The following UBE2U variants were observed in gnomAD, a reference collection of about 807,000 sequenced individuals.
UBE2U encodes ubiquitin-conjugating enzyme E2 U.
Under a neutral mutation model 41.2 loss-of-function variants are expected in UBE2U, and 39 were observed. That is an observed-to-expected ratio of 0.95 (90% CI 0.73 to 1.24). UBE2U has a LOEUF of 1.24. UBE2U is among the 50% of genes most tolerant of loss of function. The probability of loss-of-function intolerance (pLI) is 0.00; values close to 1 mark genes in which losing one functional copy is unlikely to be tolerated. For synonymous variants in UBE2U, 107 were observed against 117.8 expected (o/e 0.91, Z 0.60); for missense variants, 336 against 363.1 (o/e 0.93, Z 0.61).
At chr1:64,260,765 C>G in intron 9 of UBE2U, 71 bp downstream of exon 9, 1 of 1,230,276 alleles carries the variant, frequency 8.1e-7, no homozygotes, top group Non-Finnish European at 1.1e-6. Context: ...TAACTTTAAA[C>G]TTTTTTCCAT....
chr1:64,233,257 T>A (rs1305859077), intron 7 of UBE2U, among the ~76,000 whole-genome samples: 4 of 152,146 alleles, frequency 2.6e-5, no homozygotes, highest in Non-Finnish European at 5.9e-5. Context: ...TCCGCCTGCC[T>A]CAGCCTCCCA....
At position 64,239,157 on chromosome 1, in the gene UBE2U, A is replaced by AAGGAAGAAGAAG; in HGVS notation, c.596-2494_596-2493insGGAAGAAGAAGA. 2.4e-4 allele frequency among the ~76,000 whole-genome samples: 9 copies of AAGGAAGAAGAAG among 37,064 alleles called. 1 individual carries two copies. Among genetic ancestry groups the AAGGAAGAAGAAG allele is most frequent in the South Asian group, 2.7e-3 (2 of 728 alleles). 24.3% of individuals were successfully genotyped at this position (37,064 alleles called of 152,430 possible). A position where few individuals can be genotyped will look rare whatever the true frequency, so the allele number is the denominator to read the frequency against. ...GAAGAAGAAGAAGAAGAAGAAGAAG[A>AAGGAAGAAGAAG]AAGAAGAAGAAGAAGAAGAAGAAGA... On this transcript the variant is annotated intron_variant, in intron 7 of 9. Transcript: ENST00000371077.
At chr1:64,253,715 A>G (rs1645047488) in intron 8 of UBE2U, among the ~76,000 whole-genome samples, 1 of 152,196 alleles carries the variant, frequency 6.6e-6, no homozygotes, top group Non-Finnish European at 1.5e-5. Context: ...GCAAATGCTG[A>G]GGGAATTCAT....
Position 64,210,760 on chromosome 1 carries a change from A to T in UBE2U, c.260A>T (p.Gln87Leu). 1 of 1,587,810 alleles carries T rather than the reference A, an allele frequency of 6.3e-7. No individual in the cohort carries two copies. The highest frequency in any genetic ancestry group is 8.6e-7 in the Non-Finnish European group (1 of 1,165,614). Reference protein sequence around the residue: ...FHPNVDPHTGQPCIDFLDNPE... With the variant: ...FHPNVDPHTGLPCIDFLDNPE... ...AATACAGTAGACCCACACACTGGTC[A>T]GCCCTGTATAGACTTTTTGGACAAC... The change falls in exon 4 of 10, where the codon CAG becomes CTG. Residue 87 changes from glutamine to leucine, a missense_variant. Transcript: ENST00000371077.
At chr1:64,236,038 G>A (rs1287521831) in intron 7 of UBE2U, among the ~76,000 whole-genome samples, 2 of 152,142 alleles carry the variant, frequency 1.3e-5, no homozygotes, top group Non-Finnish European at 2.9e-5. Flanking sequence ...ACATCCTGGA[G>A]TCAGATTTAC....
chr1:64,218,754 T>C (rs1652204843), intron 5 of UBE2U, among the ~76,000 whole-genome samples: 1 of 152,242 alleles, frequency 6.6e-6, no homozygotes, highest in Non-Finnish European at 1.5e-5. Context: ...TTATAAATAC[T>C]TGCCACAGAT....
At chr1:64,244,424 G>A (rs968716187) in intron 8 of UBE2U, 12 of 297,176 alleles carry the variant, frequency 4.0e-5, no homozygotes, top group African/African-American at 2.0e-4. Flanking sequence ...TTTAGTTCCT[G>A]GGGAGAGGAG....
At chr1:64,221,360 G>A (rs990596975) in intron 6 of UBE2U, among the ~76,000 whole-genome samples, 10 of 152,118 alleles carry the variant, frequency 6.6e-5, no homozygotes, top group Admixed American at 2.0e-4. Flanking sequence ...TGATCCACCC[G>A]CCTCGGCCTC....
At chr1:64,232,797 T>G (rs1303532976) in intron 7 of UBE2U, 148 bp downstream of exon 7, 1 of 466,380 alleles carries the variant, frequency 2.1e-6, no homozygotes, top group Admixed American at 4.1e-5. Flanking sequence ...ATTCAACAAC[T>G]ATTACTTTAG....
At chr1:64,244,268 T>C in intron 8 of UBE2U, 2 of 1,287,530 alleles carry the variant, frequency 1.6e-6, no homozygotes, top group Non-Finnish European at 2.0e-6. Flanking sequence ...TCTTGCAAAG[T>C]TGTTTTGCAT....
intron 8 of UBE2U, among the ~76,000 whole-genome samples, chr1:64,248,996 T>C (rs1456578271): frequency 6.6e-6 from 1 of 152,122 alleles, no homozygotes; most frequent in African/African-American, 2.4e-5. Flanking sequence ...TGAGCCAGAA[T>C]GAAGAACAAT....
chr1:64,252,236 G>T lies in UBE2U; in HGVS notation c.678-8367G>T, dbSNP rs187676493. On this transcript the variant is annotated intron_variant, in intron 8 of 9. Transcript: ENST00000371077. ...CACTCTAGCCAGGCTTATATGGACA[G>T]AACTCTGATCTCACCCTGGGATGGA... is the stretch of plus-strand genomic sequence containing the variant. Among the ~76,000 whole-genome samples, 325 of 152,280 alleles carry T rather than the reference G, an allele frequency of 2.1e-3. 3 individuals carry two copies. Among genetic ancestry groups the T allele is most frequent in the African/African-American group, 7.5e-3 (312 of 41,572 alleles).
chr1:64,241,477 C>T (rs1644833466), intron 7 of UBE2U, among the ~76,000 whole-genome samples, 175 bp from the exon 8 acceptor site: 1 of 151,950 alleles, frequency 6.6e-6, no homozygotes, highest in Admixed American at 6.6e-5. Context: ...TATGATGTTC[C>T]AATAAAAGCA....
rs185916377 is a variant in UBE2U at position 64,219,956 on chromosome 1, T to C, written c.458-903T>C. 2.6e-5 allele frequency among the ~76,000 whole-genome samples: 4 copies of C among 152,346 alleles called. No individual in the cohort carries two copies. The East Asian group carries it at 7.7e-4, about 29-fold the overall frequency. ...ATTATCCATCTCTTTGTTCGTTGTA[T>C]ATTCTGGAAGATTTTGAGAAAAATG... On this transcript the variant is annotated intron_variant, in intron 5 of 9. Transcript: ENST00000371077.
intron 5 of UBE2U, among the ~76,000 whole-genome samples, chr1:64,218,772 A>G (rs182569087): frequency 5.8e-4 from 88 of 152,360 alleles, no homozygotes; most frequent in Non-Finnish European, 1.2e-3. Flanking sequence ...GATAAACCAT[A>G]AATGATTATC....
chr1:64,245,558 A>G (rs1211907396), intron 8 of UBE2U, among the ~76,000 whole-genome samples: 1 of 152,184 alleles, frequency 6.6e-6, no homozygotes, highest in Non-Finnish European at 1.5e-5. Flanking sequence ...CCGAGTAGGT[A>G]TAGAGGGAAC....
chr1:64,242,144 C>T (rs530935152), intron 8 of UBE2U, among the ~76,000 whole-genome samples: 3 of 152,054 alleles, frequency 2.0e-5, no homozygotes, highest in South Asian at 2.1e-4. Context: ...GTTTCTTCTC[C>T]CACAGATTTC....
At chr1:64,239,124 A>AAGGAGAAGGAGAAGGAGAAGGAGAAGG (rs1557730141) in intron 7 of UBE2U, among the ~76,000 whole-genome samples, 1 of 22,472 alleles carries the variant, frequency 4.4e-5, no homozygotes, top group African/African-American at 2.0e-4. Context: ...GAAGAAGAAG[A>AAGGAGAAGGAGAAGGAGAAGGAGAAGG]AGAAGAAGAA....
At chr1:64,255,704 C>G (rs759898180) in intron 8 of UBE2U, among the ~76,000 whole-genome samples, 3 of 152,070 alleles carry the variant, frequency 2.0e-5, no homozygotes, top group Admixed American at 6.5e-5. Flanking sequence ...AAAACCATCA[C>G]AAGACAAGGA....
Sources: gnomAD v4.1 joint callset for allele counts (sites outside exome capture counted in the v4.1 genomes callset) on GRCh38, gnomAD v4.1.1 for gene constraint, MANE v1.5 for transcripts, NCBI Gene and HGNC (gene_info 2026-07-23, HGNC 2026-07-21) for gene names.